The following CBFB variants were observed in gnomAD, a reference collection of about 807,000 sequenced individuals.
The protein encoded by CBFB is CBF-beta.
In CBFB, 9 loss-of-function variants were observed where a neutral mutation model predicts 30.4. The observed-to-expected ratio is 0.30, with a 90% CI of 0.18 to 0.52. The LOEUF (loss-of-function observed/expected upper bound fraction) is 0.52, where lower values mean the gene tolerates loss of function less well. Among genes scored for constraint, CBFB ranks in the 20% least tolerant of loss-of-function variants. The pLI is 0.97. For missense variants in CBFB, 170 were observed against 244.0 expected (o/e 0.70, Z 2.02); for synonymous variants, 94 against 84.0 (o/e 1.12, Z -0.65).
At chr16:67,043,345 A>T (rs1966564344) in intron 3 of CBFB, among the ~76,000 whole-genome samples, 1 of 152,250 alleles carries the variant, frequency 6.6e-6, no homozygotes, top group South Asian at 2.1e-4. Flanking sequence ...TGATTTAAGA[A>T]AATGGGCTCA....
At chr16:67,054,253 G>A (rs750603924) in intron 3 of CBFB, among the ~76,000 whole-genome samples, 1 of 151,836 alleles carries the variant, frequency 6.6e-6, no homozygotes, top group Admixed American at 6.6e-5. Context: ...ATACTTTATT[G>A]TAAGTTTGTC....
At chr16:67,033,561 G>A (rs1005338813) in intron 2 of CBFB, among the ~76,000 whole-genome samples, 2 of 151,542 alleles carry the variant, frequency 1.3e-5, no homozygotes, top group Middle Eastern at 3.2e-3. Flanking sequence ...CTCAAGTGAT[G>A]TGCCTGCCTC....
rs1403089858 is a variant in CBFB, at chr16:67,076,902, ATTAG to A, written c.400-5308_400-5305del. 3.9e-5 allele frequency among the ~76,000 whole-genome samples: 6 copies of A among 152,084 alleles called. 1 individual carries two copies. The highest frequency in any genetic ancestry group is 3.9e-4 in the Admixed American group (6 of 15,254). On this transcript the variant is annotated intron_variant, in intron 4 of 5. Transcript: ENST00000412916. ...AAAATCCAGTGTGTACTGTCATGAG[ATTAG>A]TTTTTTTTTTTCATTGTCAGCTTTG...
chr16:67,038,806 T>G (rs961532983), intron 3 of CBFB, among the ~76,000 whole-genome samples: 2 of 152,164 alleles, frequency 1.3e-5, no homozygotes, highest in African/African-American at 4.8e-5. Flanking sequence ...TTTTGTCAGC[T>G]TTAGCCCAAA....
chr16:67,031,318 T>A (rs931847330), intron 2 of CBFB, among the ~76,000 whole-genome samples: 5 of 152,220 alleles, frequency 3.3e-5, no homozygotes, highest in Non-Finnish European at 5.9e-5. Flanking sequence ...ATGATTGAAG[T>A]GCATAAGACA....
intron 5 of CBFB, among the ~76,000 whole-genome samples, chr16:67,093,231 G>GCCA (rs1280325632): frequency 6.6e-6 from 1 of 152,128 alleles, no homozygotes; most frequent in Non-Finnish European, 1.5e-5. Context: ...GTAGGCGTGA[G>GCCA]CCACCATGCC....
intron 4 of CBFB, among the ~76,000 whole-genome samples, chr16:67,079,638 T>G: frequency 6.6e-6 from 1 of 150,990 alleles, no homozygotes; most frequent in Admixed American, 6.7e-5. Flanking sequence ...CTGCTGCATC[T>G]CTGAGCACTG....
intron 3 of CBFB, among the ~76,000 whole-genome samples, chr16:67,048,538 C>T (rs1966671257): frequency 6.6e-6 from 1 of 152,020 alleles, no homozygotes. Flanking sequence ...ACCAATTACA[C>T]AACTGAATGG....
intron 4 of CBFB, among the ~76,000 whole-genome samples, chr16:67,068,596 C>T (rs146703304): frequency 4.5e-4 from 69 of 152,302 alleles, no homozygotes; most frequent in African/African-American, 1.5e-3. Context: ...ACATCAACAA[C>T]AAGCTGAAAG....
At chr16:67,068,585 A>C (rs143360949) in intron 4 of CBFB, among the ~76,000 whole-genome samples, 1 of 152,328 alleles carries the variant, frequency 6.6e-6, no homozygotes, top group African/African-American at 2.4e-5. Context: ...TAAACAAACA[A>C]ACATCAACAA....
Position 67,100,993 on chromosome 16 carries a change from C to G in CBFB, c.*2215C>G. The G allele has an allele frequency of 5.4e-6, 1 of 185,920 alleles. No individual in the cohort carries two copies. Among genetic ancestry groups the G allele is most frequent in the Non-Finnish European group, 1.1e-5 (1 of 87,542 alleles). The allele number at this position is 185,920 out of a possible 1,614,324, so 11.5% of individuals were successfully genotyped here. Reference sequence around the variant, plus strand: ...TTAAGCTACCAGATTGCTTTTGCCACCATTGGCCATACTGTGTGTTTGTTT... The same window carrying G: ...TTAAGCTACCAGATTGCTTTTGCCAGCATTGGCCATACTGTGTGTTTGTTT... On this transcript the variant is annotated 3_prime_UTR_variant, in exon 6 of 6. Transcript: ENST00000412916.
intron 5 of CBFB, among the ~76,000 whole-genome samples, chr16:67,088,433 A>T (rs1961788456): frequency 6.6e-6 from 1 of 152,224 alleles, no homozygotes; most frequent in South Asian, 2.1e-4. Flanking sequence ...CAAAAAATTA[A>T]TTGACTTGCT....
At chr16:67,045,796 ATTTT>A (rs576739034) in intron 3 of CBFB, among the ~76,000 whole-genome samples, 2 of 133,636 alleles carry the variant, frequency 1.5e-5, no homozygotes, top group African/African-American at 5.5e-5. Flanking sequence ...TACTTTCTAC[ATTTT>A]TTTTTTTTTT....
chr16:67,064,897 T>C lies in CBFB; in HGVS notation c.283-1785T>C, dbSNP rs75052504. 3.3e-5 allele frequency among the ~76,000 whole-genome samples: 5 copies of C among 152,306 alleles called. No homozygotes were observed. In the East Asian group the frequency reaches 9.6e-4, roughly 29 times the overall value. On this transcript the variant is annotated intron_variant, in intron 3 of 5. Transcript: ENST00000412916. Reference sequence around the variant, plus strand: ...TGTAAAACAGAAGTTTTCTTTTTTTTCTCTCTCTTTTTTTTGTTTGAGACA... The same window carrying C: ...TGTAAAACAGAAGTTTTCTTTTTTTCCTCTCTCTTTTTTTTGTTTGAGACA...
chr16:67,038,614 A>G (rs1966482146), intron 3 of CBFB, among the ~76,000 whole-genome samples: 1 of 152,150 alleles, frequency 6.6e-6, no homozygotes, highest in African/African-American at 2.4e-5. Flanking sequence ...ATTCTTACAC[A>G]ATATATAAGG....
rs8052491 is a variant in CBFB, at chr16:67,080,990, A to G, written c.400-1223A>G. On this transcript the variant is annotated intron_variant, in intron 4 of 5. Coordinates refer to ENST00000412916, the MANE Select transcript of CBFB (RefSeq NM_022845.3). The stretch of plus-strand genomic sequence containing the variant: ...AAGTACCTCTGACTTTTTTTTATAT[A>G]TATACTTTTAAGTTTTAGGGTACGT... Among the ~76,000 whole-genome samples, 761 of 152,132 alleles carry G rather than the reference A, an allele frequency of 5.0e-3. 3 individuals are homozygous for G. Among genetic ancestry groups the G allele is most frequent in the African/African-American group, 0.018 (736 of 41,512 alleles).
intron 3 of CBFB, among the ~76,000 whole-genome samples, chr16:67,041,022 A>C (rs551191603): frequency 6.8e-4 from 104 of 152,370 alleles, no homozygotes; most frequent in Non-Finnish European, 9.3e-4. Flanking sequence ...AGAAATAACA[A>C]TGAGCCAGTT....
rs908629607 is a variant in CBFB, at chr16:67,100,820, C to G, written c.*2042C>G. On this transcript the variant is annotated 3_prime_UTR_variant, in exon 6 of 6. Coordinates refer to ENST00000412916, the MANE Select transcript of CBFB (RefSeq NM_022845.3). ...TCTGTCTTAATGCTGGCATTAAGAT[C>G]ATGAGCCCTTTTTCTCCAGTAGTAC... 1 of 212,362 alleles carries G rather than the reference C, an allele frequency of 4.7e-6. No individual in the cohort carries two copies. Among genetic ancestry groups the G allele is most frequent in the Non-Finnish European group, 9.6e-6 (1 of 104,580 alleles). 13.2% of individuals were successfully genotyped at this position (212,362 alleles called of 1,614,324 possible).
At chr16:67,090,694 C>G (rs1251001470) in intron 5 of CBFB, among the ~76,000 whole-genome samples, 1 of 152,138 alleles carries the variant, frequency 6.6e-6, no homozygotes, top group East Asian at 1.9e-4. Context: ...TCTCTATTAT[C>G]TTAAAAATGC....
Sources: allele counts gnomAD v4.1 joint callset (sites outside exome capture counted in the v4.1 genomes callset), GRCh38; gene constraint gnomAD v4.1.1; transcripts MANE v1.5; gene names NCBI Gene and HGNC (gene_info 2026-07-23, HGNC 2026-07-21).